Variants in COL5A3 observed in about 807,000 individuals in gnomAD.
The protein encoded by COL5A3 is collagen alpha-3(V) chain.
In COL5A3, 172 loss-of-function variants were observed where a neutral mutation model predicts 250.0. The observed-to-expected ratio is 0.69, with a 90% CI of 0.61 to 0.78. The LOEUF (loss-of-function observed/expected upper bound fraction) is 0.78. Among genes scored for constraint, COL5A3 ranks in the 30% least tolerant of loss-of-function variants. The pLI, the probability that COL5A3 is intolerant of heterozygous loss-of-function variation, is 0.00. For missense variants in COL5A3, 2,340 were observed against 2,334.4 expected (o/e 1.00, Z -0.05); for synonymous variants, 937 against 900.4 (o/e 1.04, Z -0.73).
At chr19:9,963,984 C>A (rs2086705991) in intron 64 of COL5A3, among the ~76,000 whole-genome samples, 1 of 152,114 alleles carries the variant, frequency 6.6e-6, no homozygotes, top group African/African-American at 2.4e-5. Flanking sequence ...GCCTGGCCAA[C>A]ATGGTGAAAC....
At position 9,991,895 on chromosome 19, in the gene COL5A3, G is replaced by A. The variant is rs376983502; in HGVS notation, c.1894-54C>T. ...CTAAGAGGGGTCATGGTGTTGGGGC[G>A]TTAGTGAAATTGACTTGGGGGGGGT... On this transcript the variant is annotated intron_variant, in intron 22 of 66. Coordinates refer to ENST00000264828, the MANE Select transcript of COL5A3 (RefSeq NM_015719.4). 578 of 1,584,594 alleles carry A rather than the reference G, an allele frequency of 3.6e-4. 3 individuals carry two copies. Among genetic ancestry groups the A allele is most frequent in the African/African-American group, 3.0e-3 (224 of 74,264 alleles).
At chr19:9,963,604 G>T (rs543684641) in intron 64 of COL5A3, among the ~76,000 whole-genome samples, 1 of 145,548 alleles carries the variant, frequency 6.9e-6, no homozygotes, top group Non-Finnish European at 1.5e-5. Flanking sequence ...TGTTGCCCAG[G>T]CTGGTCTTGA....
At chr19:10,000,416 C>T (rs1276724579) in intron 8 of COL5A3, among the ~76,000 whole-genome samples, 1 of 151,030 alleles carries the variant, frequency 6.6e-6, no homozygotes, top group Admixed American at 6.6e-5. Context: ...TCTGGCTCCC[C>T]CTACTGTCCA....
intron 18 of COL5A3, 26 bp downstream of exon 18, chr19:9,993,593 T>G (rs1197097979): frequency 6.8e-6 from 11 of 1,612,878 alleles, no homozygotes; most frequent in Non-Finnish European, 9.3e-6. Flanking sequence ...GGGCTTAGAC[T>G]TGGGGGAGGG....
At chr19:10,006,315 GT>G in intron 1 of COL5A3, 84 bp from the exon 2 acceptor site, 8 of 1,318,142 alleles carry the variant, frequency 6.1e-6, no homozygotes, top group Non-Finnish European at 6.1e-6. Context: ...GAGGCTCAGG[GT>G]TTTTTTAGGG....
At chr19:9,979,753 T>G in intron 37 of COL5A3, 86 bp downstream of exon 37, 1 of 1,322,638 alleles carries the variant, frequency 7.6e-7, no homozygotes, top group Non-Finnish European at 1.0e-6. Context: ...CCCACTGCAC[T>G]CTAGCCCAGG....
chr19:9,965,121 A>G (rs1053072059), intron 64 of COL5A3, among the ~76,000 whole-genome samples: 3 of 149,922 alleles, frequency 2.0e-5, no homozygotes, highest in African/African-American at 4.9e-5. Context: ...CAGCCACTCT[A>G]TGAAGTAGAT....
At chr19:9,989,418 T>G in intron 25 of COL5A3, 51 bp downstream of exon 25, 1 of 1,613,846 alleles carries the variant, frequency 6.2e-7, no homozygotes, top group Non-Finnish European at 8.5e-7. Flanking sequence ...CCATTCCAAT[T>G]CCCAAGGCTC....
In COL5A3 at chr19:9,962,882, T is replaced by A. The variant is rs2086691892; in HGVS notation, c.4788A>T (p.Lys1596Asn). The change falls in exon 65 of 67, where the codon AAA becomes AAT. Residue 1596 changes from lysine (K) to asparagine (N), a missense_variant. Lys to Asn is a moderately conservative substitution (Grantham distance 94, BLOSUM62 0). This residue lies in a region of COL5A3 where 1,179 missense variants were observed against 1,162.6 expected (regional missense o/e 1.01). Transcript: ENST00000264828. ...GCTTTTCCTTGGACCAGGAGGCCAA[T>A]TTCACCTGGAAGAGAAAAGGGAGGG... ...LYPDKKFEIV[K>N]LASWSKEKPG... 1.2e-6 allele frequency: 2 copies of A among 1,608,824 alleles called. No homozygotes were observed. The highest frequency in any genetic ancestry group is 1.3e-5 in the African/African-American group (1 of 74,834).
At chr19:9,986,784 C>T (rs767199214) in intron 27 of COL5A3, 26 bp from the exon 28 acceptor site, 1 of 1,607,880 alleles carries the variant, frequency 6.2e-7, no homozygotes, top group Non-Finnish European at 8.5e-7. Flanking sequence ...AAAAAGCTCT[C>T]AAGCCTCTTC....
At chr19:9,974,144 C>T (rs781585364) in intron 47 of COL5A3, 27 bp downstream of exon 47, 2 of 1,609,620 alleles carry the variant, frequency 1.2e-6, no homozygotes, top group African/African-American at 1.3e-5. Context: ...CATCCTCCCC[C>T]TCCCACCTTC....
chr19:10,004,328 C>G (rs1194750113), intron 4 of COL5A3, among the ~76,000 whole-genome samples, 183 bp from the exon 5 acceptor site: 1 of 152,016 alleles, frequency 6.6e-6, no homozygotes, highest in Non-Finnish European at 1.5e-5. Flanking sequence ...TCTCTACCCC[C>G]TGTAACTAAG....
chr19:9,967,846 G>A, intron 61 of COL5A3, 58 bp downstream of exon 61: 1 of 1,535,450 alleles, frequency 6.5e-7, no homozygotes, highest in South Asian at 1.2e-5. Flanking sequence ...GGGTTCTGGT[G>A]CAGTGAAGGG....
At chr19:9,997,277 G>T in intron 11 of COL5A3, 94 bp downstream of exon 11, 1 of 928,878 alleles carries the variant, frequency 1.1e-6, no homozygotes. Context: ...GTGTTCCCGA[G>T]TGCCACACCC....
At chr19:9,998,893 T>C (rs1225513829) in intron 8 of COL5A3, among the ~76,000 whole-genome samples, 5 of 151,818 alleles carry the variant, frequency 3.3e-5, no homozygotes, top group African/African-American at 1.2e-4. Context: ...CCATGTTGGT[T>C]AGGCTGGTCT....
At chr19:9,992,171 C>T in intron 21 of COL5A3, 123 bp from the exon 22 acceptor site, 1 of 822,176 alleles carries the variant, frequency 1.2e-6, no homozygotes, top group Non-Finnish European at 2.0e-6. Context: ...GCTTGTAATC[C>T]CAGCATTTTG....
Position 10,005,861 on chromosome 19 carries a change from TG to T in COL5A3, c.371del (p.Pro124GlnfsTer6). On this transcript the variant is annotated frameshift_variant, in exon 3 of 67. Transcript: ENST00000264828. LOFTEE classifies it high-confidence loss of function. ...GARQLGLALG[P>X]ALGLLGDPFR... ...AGGGGTCACCTAGGAGACCCAGCGC[TG>T]GCCCCAGTGCCAGGCCCAACTGCCG... is the stretch of plus-strand genomic sequence containing the variant. The T allele has an allele frequency of 6.2e-7, 1 of 1,613,820 alleles. No individual in the cohort carries two copies. The highest frequency in any genetic ancestry group is 2.2e-5 in the East Asian group (1 of 44,888).
Position 9,974,208 on chromosome 19 carries a change from G to C in COL5A3, c.3467C>G (p.Pro1156Arg). Residue 1156 changes from proline to arginine, a missense_variant, in exon 47 of 67, where the codon CCG (proline) becomes CGG (arginine). Transcript: ENST00000264828. ...GTCTCCGACCTCCCCTTTCTCTCCC[G>C]GAGGGCCTGGCAGCCCCTGTGGAAC... is the stretch of plus-strand genomic sequence containing the variant. ...PPGLQGLPGP[P>R]GEKGEVGDVG... is the part of the protein sequence containing the mutation. The C allele has an allele frequency of 6.2e-7, 1 of 1,613,766 alleles. No individual in the cohort carries two copies.
chr19:9,968,424 C>T lies in COL5A3; in HGVS notation c.4275G>A (p.Leu1425=). The T allele has an allele frequency of 6.3e-7, 1 of 1,592,154 alleles. No individual in the cohort carries two copies. The highest frequency in any genetic ancestry group is 8.5e-7 in the Non-Finnish European group (1 of 1,174,536). ...GEAGEKGDQG[L]PGVQGPPGPK... is the part of the protein sequence containing the mutation. The stretch of plus-strand genomic sequence containing the variant: ...GACCAGGGGGTCCCTGCACGCCTGG[C>T]AACCCCTGATCTCCTTTCTCACCAG... Residue 1425 remains leucine, a synonymous_variant, in exon 59 of 67, where the codon TTG becomes TTA. Coordinates refer to ENST00000264828, the MANE Select transcript of COL5A3 (RefSeq NM_015719.4). The surrounding 1 kb of genome is among the most constrained non-coding windows in gnomAD (Gnocchi z 4.1).
Sources: gnomAD v4.1 joint callset for allele counts (sites outside exome capture counted in the v4.1 genomes callset) on GRCh38, gnomAD v4.1.1 for gene constraint, gnomAD v4.1.1 regional missense constraint, Gnocchi (gnomAD v3.1) non-coding constraint, MANE v1.5 for transcripts, NCBI Gene and HGNC (gene_info 2026-07-23, HGNC 2026-07-21) for gene names.